ULK4: variants seen among roughly 807,000 people sequenced by gnomAD.
ULK4 encodes the protein unc-51 like kinase 4, also known as inactive serine/threonine-protein kinase ULK4.
ULK4 carries 133 observed loss-of-function variants against 160.6 expected under a neutral mutation model. The ratio of observed to expected loss-of-function variants is 0.83; its 90% confidence interval spans 0.72 to 0.96. ULK4 has a LOEUF of 0.96. Ranked by LOEUF, ULK4 falls within the 40% of genes least tolerant of loss-of-function variation. ULK4 has a pLI of 0.00. For missense variants in ULK4, 1,580 were observed against 1,499.5 expected (o/e 1.05, Z -0.89); for synonymous variants, 534 against 539.8 (o/e 0.99, Z 0.15).
intron 18 of ULK4, among the ~76,000 whole-genome samples, chr3:41,833,518 G>A (rs1210272341): frequency 6.6e-6 from 1 of 151,900 alleles, no homozygotes; most frequent in African/African-American, 2.4e-5. Flanking sequence ...GGATGGTTTT[G>A]ATCTCCTGAC....
chr3:41,771,895 G>C (rs867888023), intron 21 of ULK4, among the ~76,000 whole-genome samples: 19 of 152,112 alleles, frequency 1.2e-4, no homozygotes, highest in African/African-American at 4.1e-4. Flanking sequence ...TTTGAAACTT[G>C]TAAGCCCAAA....
intron 34 of ULK4, among the ~76,000 whole-genome samples, chr3:41,404,672 A>G (rs535702279): frequency 6.6e-6 from 1 of 152,296 alleles, no homozygotes; most frequent in African/African-American, 2.4e-5. Flanking sequence ...CAGAGGGAGT[A>G]GAGTCATTAT....
chr3:41,804,364 T>G (rs1315594498), intron 19 of ULK4, among the ~76,000 whole-genome samples: 1 of 152,206 alleles, frequency 6.6e-6, no homozygotes, highest in Non-Finnish European at 1.5e-5. Context: ...TTGAGTTCAT[T>G]GTAGATTCTG....
chr3:41,877,563 G>A lies in ULK4; in HGVS notation c.1656+6311C>T, dbSNP rs181963387. ...GCTGGTCTCGAACGCCTGAACTCAA[G>A]TGATCCACCCACCTCAGCTCCCAAA... On this transcript the variant is annotated intron_variant, in intron 17 of 36. Transcript: ENST00000301831. 5.3e-5 allele frequency among the ~76,000 whole-genome samples: 8 copies of A among 152,184 alleles called. No individual in the cohort carries two copies. In the East Asian group the frequency reaches 1.6e-3, roughly 30 times the overall value.
chr3:41,576,914 CAT>C (rs1685628496), intron 31 of ULK4, among the ~76,000 whole-genome samples: 1 of 152,142 alleles, frequency 6.6e-6, no homozygotes, highest in South Asian at 2.1e-4. Flanking sequence ...TGCTCACAAA[CAT>C]AAAGTGTCCC....
intron 32 of ULK4, among the ~76,000 whole-genome samples, chr3:41,488,927 T>C (rs2084644765): frequency 6.6e-6 from 1 of 152,052 alleles, no homozygotes. Flanking sequence ...ACTCCAGCCA[T>C]CCTTCCTGCA....
At chr3:41,618,088 G>A (rs1258315367) in intron 30 of ULK4, among the ~76,000 whole-genome samples, 1 of 152,006 alleles carries the variant, frequency 6.6e-6, no homozygotes, top group Non-Finnish European at 1.5e-5. Flanking sequence ...AGAAGGAAAA[G>A]GAACGAACAA....
At chr3:41,788,912 T>C (rs896804531) in intron 21 of ULK4, among the ~76,000 whole-genome samples, 1 of 152,172 alleles carries the variant, frequency 6.6e-6, no homozygotes, top group Non-Finnish European at 1.5e-5. Flanking sequence ...CAAACACTAA[T>C]ATTCTCAAGC....
chr3:41,655,898 G>A (rs540057790), intron 30 of ULK4, among the ~76,000 whole-genome samples: 6 of 152,118 alleles, frequency 3.9e-5, no homozygotes, highest in Admixed American at 2.0e-4. Context: ...AAATATAAAA[G>A]AATATGGCAA....
chr3:41,951,952 G>A (rs1700307423), intron 2 of ULK4, among the ~76,000 whole-genome samples: 1 of 152,130 alleles, frequency 6.6e-6, no homozygotes, highest in East Asian at 1.9e-4. Flanking sequence ...CAAGAACTGT[G>A]ACCAATAAAT....
At chr3:41,641,568 T>A (rs1279828455) in intron 30 of ULK4, among the ~76,000 whole-genome samples, 1 of 152,096 alleles carries the variant, frequency 6.6e-6, no homozygotes, top group Admixed American at 6.5e-5. Flanking sequence ...AGAATGATAA[T>A]GTGTCTGTAG....
intron 32 of ULK4, among the ~76,000 whole-genome samples, chr3:41,505,198 T>C (rs1036825551): frequency 3.3e-5 from 5 of 152,160 alleles, no homozygotes; most frequent in Admixed American, 3.3e-4. Flanking sequence ...CTAGATGAAT[T>C]TTCACAAACT....
intron 32 of ULK4, among the ~76,000 whole-genome samples, chr3:41,527,180 G>A (rs916425768): frequency 1.3e-5 from 2 of 152,206 alleles, no homozygotes; most frequent in Non-Finnish European, 1.5e-5. Context: ...AGCTTTGCAC[G>A]TAGTGCCACA....
intron 19 of ULK4, among the ~76,000 whole-genome samples, chr3:41,811,999 A>G (rs1356000735): frequency 6.6e-6 from 1 of 152,186 alleles, no homozygotes; most frequent in African/African-American, 2.4e-5. Context: ...AACAATGGGG[A>G]GGCCAGGCAC....
intron 35 of ULK4, among the ~76,000 whole-genome samples, chr3:41,342,682 C>G (rs759244141): frequency 1.3e-4 from 20 of 152,212 alleles, no homozygotes; most frequent in Non-Finnish European, 2.6e-4. Flanking sequence ...ATGAGGCCAG[C>G]ATCATCCTGA....
intron 17 of ULK4, among the ~76,000 whole-genome samples, chr3:41,843,095 A>G (rs1222709260): frequency 6.6e-6 from 1 of 152,224 alleles, no homozygotes; most frequent in Non-Finnish European, 1.5e-5. Context: ...AATATAGGAT[A>G]ACGTCTTCAG....
At chr3:41,371,723 A>G (rs910598741) in intron 35 of ULK4, among the ~76,000 whole-genome samples, 1 of 152,096 alleles carries the variant, frequency 6.6e-6, no homozygotes, top group Non-Finnish European at 1.5e-5. Flanking sequence ...AATTCCAAAA[A>G]CCAGAATGCC....
chr3:41,889,273 TAATA>T (rs889772264), intron 16 of ULK4, among the ~76,000 whole-genome samples: 1 of 152,156 alleles, frequency 6.6e-6, no homozygotes, highest in African/African-American at 2.4e-5. Flanking sequence ...TTTATAATCC[TAATA>T]TTTATCTCAA....
rs182470732 is a variant in ULK4, at chr3:41,583,739, T to C, written c.3121-17609A>G. Among the ~76,000 whole-genome samples, 441 of 152,334 alleles carry C rather than the reference T, an allele frequency of 2.9e-3. 2 individuals carry two copies. The highest frequency in any genetic ancestry group is 1.0e-2 in the African/African-American group (414 of 41,584). Reference sequence around the variant, plus strand: ...CTTTTACCATGTTTGGAGTGCTTTGTTATAATTGACCAGAACTGCTTGACT... The same window carrying C: ...CTTTTACCATGTTTGGAGTGCTTTGCTATAATTGACCAGAACTGCTTGACT... On this transcript the variant is annotated intron_variant, in intron 31 of 36. Coordinates refer to ENST00000301831, the MANE Select transcript of ULK4 (RefSeq NM_017886.4).
Sources: allele counts gnomAD v4.1 joint callset (sites outside exome capture counted in the v4.1 genomes callset), GRCh38; gene constraint gnomAD v4.1.1; transcripts MANE v1.5; gene names NCBI Gene and HGNC (gene_info 2026-07-23, HGNC 2026-07-21).